The following PSG9 variants were observed in gnomAD, a reference collection of about 807,000 sequenced individuals.
The protein encoded by PSG9 is pregnancy-specific beta-1-glycoprotein 9.
In PSG9, 49 loss-of-function variants were observed where a neutral mutation model predicts 41.9. The observed-to-expected ratio is 1.17, with a 90% confidence interval of 0.93 to 1.48. PSG9 has a LOEUF of 1.48. Ranked by LOEUF, PSG9 falls within the 40% of genes most tolerant of loss-of-function variation. The pLI, the probability that PSG9 is intolerant of heterozygous loss-of-function variation, is 0.00. For synonymous variants in PSG9, 263 were observed against 196.8 expected, an observed-to-expected ratio of 1.34 and a Z score of -2.82; for missense variants, 641 against 520.3, an observed-to-expected ratio of 1.23 and a Z score of -2.26.
chr19:43,266,855 C>T (rs374217671), intron 2 of PSG9, among the ~76,000 whole-genome samples: 12 of 152,114 alleles, frequency 7.9e-5, no homozygotes, highest in African/African-American at 2.2e-4. Flanking sequence ...TCAGTGACTG[C>T]ACCTTCCTGT....
intron 2 of PSG9, among the ~76,000 whole-genome samples, chr19:43,263,711 A>C (rs971458835): frequency 6.6e-6 from 1 of 152,112 alleles, no homozygotes; most frequent in Admixed American, 6.5e-5. Context: ...GACCAAAATA[A>C]GGTTTAGGTG....
At chr19:43,261,364 G>C (rs1968701014) in intron 3 of PSG9, among the ~76,000 whole-genome samples, 1 of 152,174 alleles carries the variant, frequency 6.6e-6, no homozygotes, top group Non-Finnish European at 1.5e-5. Flanking sequence ...AGAATGCTCT[G>C]CCAGTGGGTG....
intron 5 of PSG9, among the ~76,000 whole-genome samples, chr19:43,255,550 A>G (rs1968416816): frequency 6.8e-6 from 1 of 146,700 alleles, no homozygotes; most frequent in Non-Finnish European, 1.5e-5. Flanking sequence ...TTCAAATTGG[A>G]AGGAAGGAGT....
rs532957977 is a variant in PSG9, at chr19:43,262,821, G to T, written c.431-683C>A. Reference sequence around the variant, plus strand: ...GTCCAAGGAATGACCTACAAAGAGTGAAGGGGCCAGGCAGTAGCTGATAGC... The same window carrying T: ...GTCCAAGGAATGACCTACAAAGAGTTAAGGGGCCAGGCAGTAGCTGATAGC... On this transcript the variant is annotated intron_variant, in intron 2 of 5. Transcript: ENST00000270077. Among the ~76,000 whole-genome samples, 4 of 152,316 alleles carry T rather than the reference G, an allele frequency of 2.6e-5. No individual in the cohort carries two copies. The South Asian group carries it at 8.3e-4, about 32-fold the overall frequency.
Position 43,258,263 on chromosome 19 carries a change from G to A in PSG9, c.1182C>T (p.Cys394=). 2.5e-6 allele frequency: 4 copies of A among 1,592,982 alleles called. No individual in the cohort carries two copies. The highest frequency in any genetic ancestry group is 3.4e-6 in the Non-Finnish European group (4 of 1,174,540). The change falls in exon 5 of 6, where the codon TGC becomes TGT. Residue 394 remains cysteine (C), a synonymous_variant. Transcript: ENST00000270077. ...TGCCAGTGGCTGAGTTATGAACAGA[G>A]CAAGCATAGAGCCCGCTATGATTTC... ...ITRNHSGLYA[C]SVHNSATGKE...
intron 5 of PSG9, among the ~76,000 whole-genome samples, chr19:43,253,950 C>A (rs765314392): frequency 6.8e-6 from 1 of 146,036 alleles, no homozygotes; most frequent in Non-Finnish European, 1.5e-5. Flanking sequence ...AGGTGTCTTC[C>A]CTGATAAATT....
intron 2 of PSG9, among the ~76,000 whole-genome samples, chr19:43,265,275 C>CTA (rs989994153): frequency 2.2e-4 from 33 of 152,112 alleles, no homozygotes; most frequent in African/African-American, 7.5e-4. Context: ...GTCACAGTTT[C>CTA]TATAATCCCT....
chr19:43,260,575 T>G (rs1968664025), intron 3 of PSG9: 1 of 146,954 alleles, frequency 6.8e-6, no homozygotes, highest in Non-Finnish European at 1.5e-5. Context: ...ACTCATATAT[T>G]TTTTAAAGCT....
chr19:43,259,204 C>T lies in PSG9; in HGVS notation c.710-69G>A, dbSNP rs1295000751. On this transcript the variant is annotated intron_variant, in intron 3 of 5. Coordinates refer to ENST00000270077, the MANE Select transcript of PSG9 (RefSeq NM_002784.5). ...GATTCCTCCACAGGCATACTTCAAT[C>T]AGAGTTGGCATCTCCCACCTCTCAG... The T allele has an allele frequency of 5.8e-6, 9 of 1,549,580 alleles. 1 individual carries two copies. In the South Asian group the frequency reaches 9.6e-5, roughly 17 times the overall value.
At chr19:43,268,301 G>GTGTGTT in intron 1 of PSG9, 152 bp from the exon 2 acceptor site, 2 of 1,256,220 alleles carry the variant, frequency 1.6e-6, no homozygotes, top group East Asian at 2.4e-5. Flanking sequence ...AAACGGGCAT[G>GTGTGTT]TGTGTTTGTG....
At position 43,269,470 on chromosome 19, in the gene PSG9, G is replaced by C; in HGVS notation, c.-39C>G. The C allele has an allele frequency of 6.2e-7, 1 of 1,611,542 alleles. No homozygotes were observed. The highest frequency in any genetic ancestry group is 2.2e-5 in the East Asian group (1 of 44,758). On this transcript the variant is annotated 5_prime_UTR_variant, in exon 1 of 6. Coordinates refer to ENST00000270077, the MANE Select transcript of PSG9 (RefSeq NM_002784.5). ...TGTGTGTTCTCCTCTGTGGAGATGA[G>C]CCTGGGATCCAGAAGCTGTCTGAGC...
rs189501474 is a variant in PSG9 at position 43,268,891 on chromosome 19, C to G, written c.64+477G>C. Among the ~76,000 whole-genome samples the G allele has an allele frequency of 2.0e-5, 3 of 152,298 alleles. No homozygotes were observed. The East Asian group carries it at 5.8e-4, about 29-fold the overall frequency. On this transcript the variant is annotated intron_variant, in intron 1 of 5. Coordinates refer to ENST00000270077, the MANE Select transcript of PSG9 (RefSeq NM_002784.5). ...GATGATTAATCAGGAAAACAGAACACTTAAGATTTTCCTACCTCTTACCAA... is the reference window on the plus strand; with the variant it reads ...GATGATTAATCAGGAAAACAGAACAGTTAAGATTTTCCTACCTCTTACCAA...
At position 43,267,925 on chromosome 19, in the gene PSG9, C is replaced by T. The variant is rs776664610; in HGVS notation, c.289G>A (p.Gly97Arg). 1.4e-5 allele frequency: 23 copies of T among 1,613,614 alleles called. 1 individual carries two copies. In the South Asian group the frequency reaches 1.8e-4, roughly 12 times the overall value. Residue 97 changes from glycine to arginine, a missense_variant, in exon 2 of 6, where the codon GGA becomes AGA. Gly to Arg is a moderately radical substitution (Grantham distance 125). Coordinates refer to ENST00000270077, the MANE Select transcript of PSG9 (RefSeq NM_002784.5). ...GCGTTGGAATATACTGTTTCTCTTCCACTGTATGCAGGCCCATATATAATT... is the reference window on the plus strand; with the variant it reads ...GCGTTGGAATATACTGTTTCTCTTCTACTGTATGCAGGCCCATATATAATT... ...KIIIYGPAYSGRETVYSNASL... is the reference protein window; with the variant it reads ...KIIIYGPAYSRRETVYSNASL...
chr19:43,267,020 T>A (rs1439384851), intron 2 of PSG9, among the ~76,000 whole-genome samples: 1 of 152,172 alleles, frequency 6.6e-6, no homozygotes, highest in Non-Finnish European at 1.5e-5. Context: ...TTAATTTGCT[T>A]CCATGAGAAA....
At chr19:43,262,796 G>C (rs1163198688) in intron 2 of PSG9, among the ~76,000 whole-genome samples, 5 of 152,170 alleles carry the variant, frequency 3.3e-5, no homozygotes, top group Admixed American at 2.0e-4. Flanking sequence ...ATAGAGCAGA[G>C]TCCAAGGAAT....
intron 2 of PSG9, among the ~76,000 whole-genome samples, chr19:43,266,182 T>C (rs542110720): frequency 6.6e-6 from 1 of 151,842 alleles, no homozygotes; most frequent in Non-Finnish European, 1.5e-5. Context: ...GTGCCCCCAG[T>C]TCCACAGTCC....
chr19:43,266,844 T>A (rs1423817224), intron 2 of PSG9, among the ~76,000 whole-genome samples: 2 of 152,118 alleles, frequency 1.3e-5, no homozygotes, highest in Admixed American at 6.5e-5. Context: ...GTGACTCTGG[T>A]TCAGTGACTG....
intron 2 of PSG9, among the ~76,000 whole-genome samples, chr19:43,263,591 CAAAAAAA>C (rs201166241): frequency 8.0e-6 from 1 of 125,592 alleles, no homozygotes; most frequent in Non-Finnish European, 1.8e-5. Flanking sequence ...ACTCTAGTAA[CAAAAAAA>C]AAAAAAAATT....
rs754439413 is a variant in PSG9 at position 43,267,807 on chromosome 19, C to G, written c.407G>C (p.Arg136Pro). ...KRGDETREEI[R>P]HFTFTLYLET... ...ACAGTATAAGGTGAAGGTGAAATGT[C>G]GAATTTCTTCTCTAGTCTCATCACC... The change falls in exon 2 of 6, where the codon CGA becomes CCA. Residue 136 changes from arginine to proline, a missense_variant. Coordinates refer to ENST00000270077, the MANE Select transcript of PSG9 (RefSeq NM_002784.5). 1.2e-6 allele frequency: 2 copies of G among 1,612,916 alleles called. No individual in the cohort carries two copies. The highest frequency in any genetic ancestry group is 2.2e-5 in the East Asian group (1 of 44,858).
Sources: gnomAD v4.1 joint callset for allele counts (sites outside exome capture counted in the v4.1 genomes callset) on GRCh38, gnomAD v4.1.1 for gene constraint, MANE v1.5 for transcripts, NCBI Gene and HGNC (gene_info 2026-07-23, HGNC 2026-07-21) for gene names.